Variants in ANXA13 observed in about 807,000 individuals in gnomAD.
ANXA13 encodes the protein annexin XIII.
In ANXA13, 36 loss-of-function variants were observed where a neutral mutation model predicts 46.6. The observed-to-expected ratio is 0.77, with a 90% CI of 0.59 to 1.02. The LOEUF is 1.02. Among genes scored for constraint, ANXA13 ranks in the 50% least tolerant of loss-of-function variants. The pLI, the probability that ANXA13 is intolerant of heterozygous loss-of-function variation, is 0.00. For missense variants in ANXA13, 417 were observed against 396.5 expected, an observed-to-expected ratio of 1.05 and a Z score of -0.44; for synonymous variants, 163 against 152.9, an observed-to-expected ratio of 1.07 and a Z score of -0.49.
At chr8:123,726,465 A>C (rs1398424651) in intron 1 of ANXA13, among the ~76,000 whole-genome samples, 1 of 152,198 alleles carries the variant, frequency 6.6e-6, no homozygotes, top group Non-Finnish European at 1.5e-5. Flanking sequence ...CCTGCCATGC[A>C]CTGAGCTGTG....
intron 1 of ANXA13, among the ~76,000 whole-genome samples, chr8:123,730,968 C>A (rs1350630729): frequency 6.6e-6 from 1 of 152,198 alleles, no homozygotes; most frequent in Non-Finnish European, 1.5e-5. Flanking sequence ...ATCATCTGGG[C>A]ATCTCTGTAG....
intron 1 of ANXA13, among the ~76,000 whole-genome samples, chr8:123,723,988 A>G (rs1009705410): frequency 4.6e-5 from 7 of 152,166 alleles, no homozygotes; most frequent in Admixed American, 1.3e-4. Flanking sequence ...TCTTGCTCCC[A>G]GTTTGTATTA....
At chr8:123,719,641 A>G (rs1813824067) in intron 1 of ANXA13, among the ~76,000 whole-genome samples, 1 of 152,210 alleles carries the variant, frequency 6.6e-6, no homozygotes, top group African/African-American at 2.4e-5. Context: ...GGGGAGGTAG[A>G]AGAAAGACAT....
At chr8:123,721,023 G>A (rs1469634191) in intron 1 of ANXA13, among the ~76,000 whole-genome samples, 3 of 152,132 alleles carry the variant, frequency 2.0e-5, no homozygotes, top group Non-Finnish European at 4.4e-5. Context: ...GTTGAACAGT[G>A]CTTCATTTCC....
chr8:123,684,037 C>T (rs1267248133), intron 10 of ANXA13, among the ~76,000 whole-genome samples: 1 of 152,184 alleles, frequency 6.6e-6, no homozygotes, highest in Non-Finnish European at 1.5e-5. Flanking sequence ...CTGATATCCA[C>T]ATGGTATATA....
intron 1 of ANXA13, among the ~76,000 whole-genome samples, chr8:123,721,194 G>A (rs1172353814): frequency 6.6e-6 from 1 of 152,166 alleles, no homozygotes; most frequent in Non-Finnish European, 1.5e-5. Flanking sequence ...ACAAATGGCA[G>A]AATTTCCTTC....
intron 3 of ANXA13, 144 bp from the exon 4 acceptor site, chr8:123,698,703 T>C (rs1484126638): frequency 2.4e-6 from 2 of 828,168 alleles, no homozygotes; most frequent in African/African-American, 3.4e-5. Context: ...GCTGAGAACA[T>C]GCAACCTGCT....
chr8:123,681,397 T>A (rs1381469361), intron 10 of ANXA13, 38 bp from the exon 11 acceptor site: 1 of 1,600,388 alleles, frequency 6.2e-7, no homozygotes, highest in African/African-American at 1.3e-5. Context: ...TAAGAACGTT[T>A]ATGGTGTGTT....
intron 1 of ANXA13, among the ~76,000 whole-genome samples, chr8:123,718,107 A>G (rs1813794762): frequency 6.6e-6 from 1 of 152,224 alleles, no homozygotes. Context: ...AACTATGGTA[A>G]ATGGGGATAA....
At chr8:123,700,112 G>A (rs539644821) in intron 3 of ANXA13, among the ~76,000 whole-genome samples, 3 of 152,220 alleles carry the variant, frequency 2.0e-5, no homozygotes, top group Non-Finnish European at 4.4e-5. Flanking sequence ...CCTACAAGGG[G>A]GCTGTTATAT....
intron 2 of ANXA13, among the ~76,000 whole-genome samples, chr8:123,705,452 C>G (rs1813521965): frequency 6.6e-6 from 1 of 152,188 alleles, no homozygotes; most frequent in African/African-American, 2.4e-5. Context: ...ACAGAGCAGC[C>G]CAAGGCTTAC....
At chr8:123,692,433 G>A (rs917124624) in intron 8 of ANXA13, among the ~76,000 whole-genome samples, 1 of 152,170 alleles carries the variant, frequency 6.6e-6, no homozygotes, top group Non-Finnish European at 1.5e-5. Flanking sequence ...AAAAAAATCT[G>A]ATATTCCACT....
chr8:123,717,175 C>T (rs993306891), intron 1 of ANXA13, among the ~76,000 whole-genome samples: 1 of 152,182 alleles, frequency 6.6e-6, no homozygotes, highest in Non-Finnish European at 1.5e-5. Flanking sequence ...GAGGATCTGC[C>T]TCTTAGCAGC....
At chr8:123,681,699 C>A (rs1479238784) in intron 10 of ANXA13, among the ~76,000 whole-genome samples, 2 of 148,094 alleles carry the variant, frequency 1.4e-5, no homozygotes, top group African/African-American at 5.0e-5. Context: ...TCTCGGCTCA[C>A]TGCAATCTCC....
rs376615442 is a variant in ANXA13 at position 123,684,612 on chromosome 8, C to T, written c.829G>A (p.Glu277Lys). 20 of 1,610,586 alleles carry T rather than the reference C, an allele frequency of 1.2e-5. No homozygotes were observed. Among genetic ancestry groups the T allele is most frequent in the African/African-American group, 1.1e-4 (8 of 74,816 alleles). ...TTTGGAGTCGGAGTGTGTCTTACCTCGGCCCTGGTCACGACTATGCGAATC... is the reference window on the plus strand; with the variant it reads ...TTTGGAGTCGGAGTGTGTCTTACCTTGGCCCTGGTCACGACTATGCGAATC... Reference protein sequence around the residue: ...TLIRIVVTRAEVDLQGIKAKF... With the variant: ...TLIRIVVTRAKVDLQGIKAKF... The change falls in exon 10 of 11, where the codon GAG becomes AAG. Residue 277 changes from glutamate (E) to lysine (K), a missense_variant and splice_region_variant. Glu to Lys is a moderately conservative substitution (Grantham distance 56). Transcript: ENST00000419625.
chr8:123,682,504 ATTCT>A (rs1273483110), intron 10 of ANXA13, among the ~76,000 whole-genome samples: 2 of 152,170 alleles, frequency 1.3e-5, no homozygotes, highest in Non-Finnish European at 2.9e-5. Context: ...CAGGGATCTG[ATTCT>A]TTCTTCTCTT....
chr8:123,721,565 A>G (rs565584699), intron 1 of ANXA13, among the ~76,000 whole-genome samples: 1 of 152,140 alleles, frequency 6.6e-6, no homozygotes, highest in Non-Finnish European at 1.5e-5. Context: ...GTGTTGAGTG[A>G]GCCCTTTGCA....
chr8:123,737,076 A>G (rs568836883), intron 1 of ANXA13, among the ~76,000 whole-genome samples: 126 of 150,768 alleles, frequency 8.4e-4, no homozygotes, highest in Non-Finnish European at 1.6e-3. Flanking sequence ...GGCCAGGCTG[A>G]CCTCAAACTC....
At chr8:123,681,496 A>T in intron 10 of ANXA13, 137 bp from the exon 11 acceptor site, 1 of 804,492 alleles carries the variant, frequency 1.2e-6, no homozygotes, top group East Asian at 2.6e-5. Context: ...TTTATTTCCT[A>T]TCATTATTTC....
Sources: gnomAD v4.1 joint callset for allele counts (sites outside exome capture counted in the v4.1 genomes callset) on GRCh38, gnomAD v4.1.1 for gene constraint, MANE v1.5 for transcripts, NCBI Gene and HGNC (gene_info 2026-07-23, HGNC 2026-07-21) for gene names.